The following LRRC8D variants were observed in gnomAD, a reference collection of about 807,000 sequenced individuals.
The protein encoded by LRRC8D is volume-regulated anion channel subunit LRRC8D.
Under a neutral mutation model 55.8 loss-of-function variants are expected in LRRC8D, and 20 were observed. That is an observed-to-expected ratio of 0.36 (90% CI 0.25 to 0.52). The LOEUF is 0.52. Ranked by LOEUF, LRRC8D falls within the 20% of genes least tolerant of loss-of-function variation. The pLI, the probability that LRRC8D is intolerant of heterozygous loss-of-function variation, is 0.93. For missense variants in LRRC8D, 651 were observed against 1,030.8 expected, an observed-to-expected ratio of 0.63 and a Z score of 5.05; for synonymous variants, 352 against 377.0, an observed-to-expected ratio of 0.93 and a Z score of 0.77.
chr1:89,851,771 A>G (rs918768238), intron 2 of LRRC8D, among the ~76,000 whole-genome samples: 3 of 152,032 alleles, frequency 2.0e-5, no homozygotes, highest in Non-Finnish European at 4.4e-5. Flanking sequence ...CGGCCTCCCA[A>G]AGTGCTAGGA....
chr1:89,923,581 G>C (rs761379272), intron 2 of LRRC8D, among the ~76,000 whole-genome samples: 1 of 151,296 alleles, frequency 6.6e-6, no homozygotes, highest in South Asian at 2.1e-4. Context: ...AGAAAAAAAC[G>C]ATTCTAAAAT....
At chr1:89,900,073 G>A (rs1662812210) in intron 2 of LRRC8D, among the ~76,000 whole-genome samples, 2 of 152,094 alleles carry the variant, frequency 1.3e-5, no homozygotes, top group Admixed American at 1.3e-4. Flanking sequence ...AGTGTAGAGG[G>A]GCAGAAATGC....
At chr1:89,831,125 C>T (rs1376006675) in intron 1 of LRRC8D, among the ~76,000 whole-genome samples, 6 of 152,016 alleles carry the variant, frequency 3.9e-5, no homozygotes, top group African/African-American at 9.7e-5. Context: ...AGGCTGGTCT[C>T]GAACTCCTAA....
At chr1:89,929,951 C>T (rs1055137571) in intron 2 of LRRC8D, 14 of 152,236 alleles carry the variant, frequency 9.2e-5, no homozygotes, top group Admixed American at 2.6e-4. Flanking sequence ...ATTAGATTCT[C>T]ATAGTAGCAT....
intron 1 of LRRC8D, among the ~76,000 whole-genome samples, chr1:89,831,471 C>A (rs1045858248): frequency 6.6e-6 from 1 of 151,854 alleles, no homozygotes; most frequent in South Asian, 2.1e-4. Flanking sequence ...GGGACACACA[C>A]AGAGAGAGAA....
intron 2 of LRRC8D, among the ~76,000 whole-genome samples, chr1:89,893,475 A>G (rs140697454): frequency 7.2e-5 from 11 of 152,374 alleles, no homozygotes; most frequent in Non-Finnish European, 1.5e-4. Context: ...CCAGAATTGC[A>G]AGGGAATTAG....
At chr1:89,853,918 G>C (rs563310505) in intron 2 of LRRC8D, among the ~76,000 whole-genome samples, 41 of 152,278 alleles carry the variant, frequency 2.7e-4, no homozygotes, top group African/African-American at 9.9e-4. Context: ...GCGAGGAGTT[G>C]TGTGTATGTG....
Position 89,869,396 on chromosome 1 carries a change from A to C in LRRC8D, c.-3+25614A>C, listed in dbSNP as rs1570840181. Among the ~76,000 whole-genome samples the C allele has an allele frequency of 5.9e-5, 9 of 152,240 alleles. 1 individual carries two copies. The South Asian group carries it at 1.9e-3, about 31-fold the overall frequency. On this transcript the variant is annotated intron_variant, in intron 2 of 2. Transcript: ENST00000337338. ...CAACTTAATGAAATAAAGCGAGAAG[A>C]CAAGATTAGAGAAGAAAGAATAAAA...
chr1:89,828,350 A>G (rs564950874), intron 1 of LRRC8D, among the ~76,000 whole-genome samples: 8 of 152,336 alleles, frequency 5.3e-5, no homozygotes, highest in African/African-American at 1.9e-4. Flanking sequence ...TGGGTCCCTG[A>G]TGACAGTTTC....
chr1:89,847,024 AGAGGCTCAC>A, intron 2 of LRRC8D, among the ~76,000 whole-genome samples: 1 of 152,158 alleles, frequency 6.6e-6, no homozygotes, highest in Non-Finnish European at 1.5e-5. Context: ...TAATCCACTG[AGAGGCTCAC>A]ATTACAGAAC....
chr1:89,897,724 A>C (rs556709372), intron 2 of LRRC8D, among the ~76,000 whole-genome samples: 6 of 151,256 alleles, frequency 4.0e-5, no homozygotes, highest in African/African-American at 1.5e-4. Context: ...TAATAACCTG[A>C]AAAAAAAACT....
chr1:89,836,952 C>T (rs1011036290), intron 1 of LRRC8D, among the ~76,000 whole-genome samples: 2 of 152,140 alleles, frequency 1.3e-5, no homozygotes, highest in Non-Finnish European at 2.9e-5. Context: ...GTGGCTTTTT[C>T]TTCATCATAC....
In LRRC8D at chr1:89,935,353, A is replaced by G. The variant is rs1308380631; in HGVS notation, c.2285A>G (p.Asn762Ser). 6.2e-7 allele frequency: 1 copy of G among 1,614,258 alleles called. No individual in the cohort carries two copies. The change falls in exon 3 of 3, where the codon AAC becomes AGC. Residue 762 changes from asparagine to serine, a missense_variant. Coordinates refer to ENST00000337338, the MANE Select transcript of LRRC8D (RefSeq NM_001134479.2). Reference sequence around the variant, plus strand: ...CTGCAGCATTTGCATATCACTGGGAACAAAGTGGACATTCTGCCAAAACAA... The same window carrying G: ...CTGCAGCATTTGCATATCACTGGGAGCAAAGTGGACATTCTGCCAAAACAA... ...QNLQHLHITG[N>S]KVDILPKQLF...
intron 2 of LRRC8D, among the ~76,000 whole-genome samples, chr1:89,845,125 A>G (rs1557447005): frequency 6.6e-6 from 1 of 152,206 alleles, no homozygotes; most frequent in Non-Finnish European, 1.5e-5. Flanking sequence ...TAGAATTTAC[A>G]TTCATGACGT....
intron 2 of LRRC8D, among the ~76,000 whole-genome samples, chr1:89,904,416 CT>C (rs1391704431): frequency 6.6e-6 from 1 of 152,166 alleles, no homozygotes; most frequent in Non-Finnish European, 1.5e-5. Flanking sequence ...TGGGCTGTGC[CT>C]TTTCGGTTCA....
At chr1:89,875,988 A>G (rs199924187) in intron 2 of LRRC8D, among the ~76,000 whole-genome samples, 6 of 152,306 alleles carry the variant, frequency 3.9e-5, no homozygotes, top group East Asian at 3.9e-4. Flanking sequence ...GTGGGACTCC[A>G]TATTTTGGGA....
chr1:89,914,491 C>A (rs1422913435), intron 2 of LRRC8D, among the ~76,000 whole-genome samples: 1 of 150,342 alleles, frequency 6.7e-6, no homozygotes, highest in Non-Finnish European at 1.5e-5. Context: ...CAAGCAAGGG[C>A]TTTGAGGACT....
chr1:89,891,289 G>T (rs997628426), intron 2 of LRRC8D, among the ~76,000 whole-genome samples: 4 of 152,148 alleles, frequency 2.6e-5, no homozygotes, highest in Admixed American at 6.5e-5. Context: ...TTAGATTGGG[G>T]TTATGCATTT....
Position 89,933,732 on chromosome 1 carries a change from G to A in LRRC8D, c.664G>A (p.Glu222Lys). 1 of 1,614,128 alleles carries A rather than the reference G, an allele frequency of 6.2e-7. No homozygotes were observed. Among genetic ancestry groups the A allele is most frequent in the Non-Finnish European group, 8.5e-7 (1 of 1,180,016 alleles). ...GTCTGAGACAGCATGCGAAGACTCA[G>A]AGGAAAACAAGCAGAGAATAACAGG... ...ALSETACEDS[E>K]ENKQRITGAQ... Residue 222 changes from glutamate to lysine, a missense_variant, in exon 3 of 3, where the codon GAG (glutamate) becomes AAG (lysine). By Grantham distance (56) the Glu-to-Lys change is moderately conservative. Coordinates refer to ENST00000337338, the MANE Select transcript of LRRC8D (RefSeq NM_001134479.2). This position sits in a 1 kb window ranked among gnomAD's most constrained non-coding sequence, Gnocchi z 7.0.
Sources: allele counts gnomAD v4.1 joint callset (sites outside exome capture counted in the v4.1 genomes callset), GRCh38; gene constraint gnomAD v4.1.1; non-coding constraint Gnocchi (gnomAD v3.1); transcripts MANE v1.5; gene names NCBI Gene and HGNC (gene_info 2026-07-23, HGNC 2026-07-21).